The following STK38 variants were observed in gnomAD, a reference collection of about 807,000 sequenced individuals.
The protein encoded by STK38 is serine/threonine kinase 38, also known as serine/threonine-protein kinase 38.
In STK38, 26 loss-of-function variants were observed where a neutral mutation model predicts 59.0. The ratio of observed to expected loss-of-function variants is 0.44; its 90% CI spans 0.32 to 0.61. The LOEUF is 0.61. Ranked by LOEUF, STK38 falls within the 20% of genes least tolerant of loss-of-function variation. The pLI is 0.04. For synonymous variants in STK38, 175 were observed against 176.6 expected (o/e 0.99, Z 0.07); for missense variants, 433 against 566.0 (o/e 0.76, Z 2.38).
At chr6:36,534,916 T>C (rs376593897) in intron 2 of STK38, among the ~76,000 whole-genome samples, 14 of 149,670 alleles carry the variant, frequency 9.4e-5, no homozygotes, top group East Asian at 5.8e-4. Context: ...ATTGTTTACA[T>C]AGAAAATCCT....
chr6:36,501,501 T>C (rs1267221598), intron 9 of STK38, among the ~76,000 whole-genome samples: 1 of 151,480 alleles, frequency 6.6e-6, no homozygotes, highest in Non-Finnish European at 1.5e-5. Flanking sequence ...ACAGACCCAT[T>C]ACCCACATTA....
intron 4 of STK38, 74 bp downstream of exon 4, chr6:36,524,267 A>G (rs1372156795): frequency 6.6e-7 from 1 of 1,519,386 alleles, no homozygotes; most frequent in Non-Finnish European, 8.8e-7. Context: ...ATCAACAATC[A>G]TGACTTAATG....
intron 2 of STK38, among the ~76,000 whole-genome samples, chr6:36,534,367 G>C (rs761058586): frequency 1.3e-5 from 2 of 152,134 alleles, no homozygotes; most frequent in Non-Finnish European, 2.9e-5. Context: ...TTGGAACATA[G>C]GCTGAGTGCA....
chr6:36,545,239 GCCAAGATCACA>G (rs1326614692), intron 1 of STK38, among the ~76,000 whole-genome samples: 1 of 137,538 alleles, frequency 7.3e-6, no homozygotes, highest in Non-Finnish European at 1.5e-5. Flanking sequence ...GTTGCAGTGA[GCCAAGATCACA>G]CCACTGCACT....
intron 2 of STK38, among the ~76,000 whole-genome samples, chr6:36,531,998 TG>T (rs1331076541): frequency 6.6e-6 from 1 of 152,206 alleles, no homozygotes; most frequent in African/African-American, 2.4e-5. Flanking sequence ...AATGAAAATT[TG>T]TATTACAACT....
intron 10 of STK38, among the ~76,000 whole-genome samples, chr6:36,498,692 A>G (rs148181650): frequency 0.034 from 5,070 of 148,814 alleles, 295 homozygotes; most frequent in African/African-American, 0.12. Context: ...GGCTCAAGTG[A>G]TCTTCCTGCC....
At chr6:36,536,292 T>C (rs1213619836) in intron 2 of STK38, among the ~76,000 whole-genome samples, 2 of 152,160 alleles carry the variant, frequency 1.3e-5, no homozygotes, top group Admixed American at 6.5e-5. Flanking sequence ...TAATTCAATA[T>C]GGATCACAGA....
chr6:36,539,845 A>G (rs1478823222), intron 2 of STK38, among the ~76,000 whole-genome samples: 3 of 150,766 alleles, frequency 2.0e-5, no homozygotes, highest in Non-Finnish European at 4.4e-5. Flanking sequence ...CAACCTCCCA[A>G]GTATCATTTT....
chr6:36,526,989 C>G (rs911656366), intron 2 of STK38, among the ~76,000 whole-genome samples: 1 of 151,436 alleles, frequency 6.6e-6, no homozygotes, highest in Non-Finnish European at 1.5e-5. Context: ...TTCAGGAGTT[C>G]GAAACCAGCC....
In STK38 at chr6:36,524,344, A is replaced by C; in HGVS notation, c.303T>G (p.Gly101=). 1 of 1,605,214 alleles carries C rather than the reference A, an allele frequency of 6.2e-7. No homozygotes were observed. Among genetic ancestry groups the C allele is most frequent in the Admixed American group, 1.7e-5 (1 of 57,478 alleles). ...SLKVIGRGAF[G]EVRLVQKKDT... is the part of the protein sequence containing the mutation. ...GACAAGTAGCTGTGATTTTTACCTC[A>C]CCAAATGCTCCTCTGCCTATTACTT... Residue 101 remains glycine, a synonymous_variant, in exon 4 of 14, where the codon GGT becomes GGG. Coordinates refer to ENST00000229812, the MANE Select transcript of STK38 (RefSeq NM_007271.4).
chr6:36,513,549 G>A lies in STK38; in HGVS notation c.669+1789C>T, dbSNP rs192485078. Among the ~76,000 whole-genome samples the A allele has an allele frequency of 6.6e-3, 999 of 151,714 alleles. 8 individuals are homozygous for A. The highest frequency in any genetic ancestry group is 0.021 in the African/African-American group (865 of 41,376). On this transcript the variant is annotated intron_variant, in intron 7 of 13. Coordinates refer to ENST00000229812, the MANE Select transcript of STK38 (RefSeq NM_007271.4). ...AGGATGGTCTCGATCTCCTGACCTC[G>A]TGATCCGCCTGCCTCGGCCTCCCAA...
chr6:36,536,989 G>A (rs1313888672), intron 2 of STK38, among the ~76,000 whole-genome samples: 2 of 151,698 alleles, frequency 1.3e-5, no homozygotes, highest in African/African-American at 4.8e-5. Context: ...GAGCAAGAAA[G>A]CCACAGACTG....
At chr6:36,509,551 T>C (rs971583465) in intron 7 of STK38, among the ~76,000 whole-genome samples, 1 of 145,856 alleles carries the variant, frequency 6.9e-6, no homozygotes, top group African/African-American at 2.6e-5. Flanking sequence ...TTAGTTTACT[T>C]AGGCCTCGGA....
intron 1 of STK38, among the ~76,000 whole-genome samples, chr6:36,543,332 T>C (rs533940561): frequency 6.6e-6 from 1 of 152,264 alleles, no homozygotes; most frequent in East Asian, 1.9e-4. Context: ...CCCAAAGTGC[T>C]GGGATTACAG....
At position 36,509,052 on chromosome 6, in the gene STK38, CCTT is replaced by C. The variant is rs368455697; in HGVS notation, c.670-1453_670-1451del. Among the ~76,000 whole-genome samples, 493 of 152,358 alleles carry C rather than the reference CCTT, an allele frequency of 3.2e-3. 4 individuals are homozygous for C. The highest frequency in any genetic ancestry group is 0.011 in the African/African-American group (460 of 41,586). Reference sequence around the variant, plus strand: ...CCTGGAAGGGCCGCCGCTCTTCTCTCCTTCTTGTTGCCTGCAACACGGCGAGCA... The same window carrying C: ...CCTGGAAGGGCCGCCGCTCTTCTCTCCTTGTTGCCTGCAACACGGCGAGCA... On this transcript the variant is annotated intron_variant, in intron 7 of 13. Transcript: ENST00000229812.
At chr6:36,528,432 G>T (rs952307861) in intron 2 of STK38, among the ~76,000 whole-genome samples, 3 of 152,188 alleles carry the variant, frequency 2.0e-5, no homozygotes, top group African/African-American at 7.2e-5. Context: ...TAGAGCTATT[G>T]CAAATATGAC....
intron 4 of STK38, 108 bp downstream of exon 4, chr6:36,524,233 C>T (rs1777453151): frequency 7.3e-7 from 1 of 1,362,742 alleles, no homozygotes; most frequent in Non-Finnish European, 9.8e-7. Flanking sequence ...ATGCCTGACT[C>T]ATTTAATTCC....
At chr6:36,544,379 G>A (rs1778011169) in intron 1 of STK38, among the ~76,000 whole-genome samples, 1 of 151,836 alleles carries the variant, frequency 6.6e-6, no homozygotes, top group Admixed American at 6.6e-5. Context: ...GTGAAGCTTG[G>A]GTGTGGTTCC....
intron 13 of STK38, 123 bp from the exon 14 acceptor site, chr6:36,496,037 C>T: frequency 5.8e-6 from 5 of 861,558 alleles, no homozygotes; most frequent in Admixed American, 2.5e-5. Context: ...ATTTTTCACT[C>T]TATGAATTTT....
Sources: allele counts gnomAD v4.1 joint callset (sites outside exome capture counted in the v4.1 genomes callset), GRCh38; gene constraint gnomAD v4.1.1; transcripts MANE v1.5; gene names NCBI Gene and HGNC (gene_info 2026-07-23, HGNC 2026-07-21).